Variants in WIPF2 observed in about 807,000 individuals in gnomAD.
WIPF2 encodes the protein WAS/WASL interacting protein family member 2.
In WIPF2, 23 loss-of-function variants were observed where a neutral mutation model predicts 38.8. The ratio of observed to expected loss-of-function variants is 0.59; its 90% CI spans 0.43 to 0.84. The LOEUF (loss-of-function observed/expected upper bound fraction) is 0.84, where lower values mean the gene tolerates loss of function less well. WIPF2 is among the 40% of genes least tolerant of loss of function. WIPF2 has a pLI of 0.00. For synonymous variants in WIPF2, 210 were observed against 223.2 expected (o/e 0.94, Z 0.53); for missense variants, 574 against 580.5 (o/e 0.99, Z 0.11).
chr17:40,238,961 A>G (rs980320309), intron 1 of WIPF2, among the ~76,000 whole-genome samples: 5 of 151,916 alleles, frequency 3.3e-5, no homozygotes, highest in African/African-American at 1.2e-4. Flanking sequence ...GCTGGATTCA[A>G]ACTCCTGGGC....
chr17:40,220,033 A>G (rs1406800873), intron 1 of WIPF2: 1 of 152,272 alleles, frequency 6.6e-6, no homozygotes, highest in African/African-American at 2.4e-5. Context: ...GTTCTTTGAA[A>G]AGGAATCAGA....
intron 1 of WIPF2, among the ~76,000 whole-genome samples, chr17:40,227,102 C>G (rs1221103085): frequency 1.3e-5 from 2 of 151,884 alleles, no homozygotes; most frequent in Non-Finnish European, 2.9e-5. Context: ...AGTGGAGTGG[C>G]AAGATCTGGG....
At chr17:40,231,344 GTTTTCTTTCAGGCC>G in intron 1 of WIPF2, among the ~76,000 whole-genome samples, 1 of 150,890 alleles carries the variant, frequency 6.6e-6, no homozygotes, top group East Asian at 2.0e-4. Context: ...ATCTGTTTAA[GTTTTCTTTCAGGCC>G]TTTTCTTAGT....
rs140301115 is a variant in WIPF2 at position 40,272,355 on chromosome 17, C to T, written c.971-1435C>T. ...ATTTTCATTGGTGATGGTGGTGGGGCGACCTCAGAAATGAAATGTGACCAT... is the reference window on the plus strand; with the variant it reads ...ATTTTCATTGGTGATGGTGGTGGGGTGACCTCAGAAATGAAATGTGACCAT... On this transcript the variant is annotated intron_variant, in intron 5 of 7. Coordinates refer to ENST00000323571, the MANE Select transcript of WIPF2 (RefSeq NM_133264.5). 3.4e-3 allele frequency among the ~76,000 whole-genome samples: 515 copies of T among 152,198 alleles called. 5 individuals carry two copies. The highest frequency in any genetic ancestry group is 0.012 in the African/African-American group (491 of 41,528).
At chr17:40,246,380 C>A (rs534090233) in intron 1 of WIPF2, among the ~76,000 whole-genome samples, 2 of 150,860 alleles carry the variant, frequency 1.3e-5, no homozygotes, top group African/African-American at 4.9e-5. Flanking sequence ...GCCACCGTGC[C>A]CTGCCTGTGC....
chr17:40,260,616 A>G lies in WIPF2; in HGVS notation c.145A>G (p.Lys49Glu). The G allele has an allele frequency of 1.9e-6, 3 of 1,613,948 alleles. No homozygotes were observed. Among genetic ancestry groups the G allele is most frequent in the South Asian group, 2.2e-5 (2 of 91,072 alleles). Residue 49 changes from lysine to glutamate, a missense_variant, in exon 3 of 8, where the codon AAG becomes GAG. Coordinates refer to ENST00000323571, the MANE Select transcript of WIPF2 (RefSeq NM_133264.5). ...CTTACAGGACATTTGCAAAGGGACC[A>G]AGCTGAAGAAGGTGACCAACATTAA... ...ALLQDICKGT[K>E]LKKVTNINDR... is the part of the protein sequence containing the mutation.
At position 40,264,611 on chromosome 17, in the gene WIPF2, C is replaced by A. The variant is rs1311116539; in HGVS notation, c.435C>A (p.Leu145=). Residue 145 remains leucine, a synonymous_variant, in exon 5 of 8, where the codon CTC becomes CTA. Transcript: ENST00000323571. The part of the protein sequence containing the change: ...QDDTDSSRAS[L]PELPRMQRPS... The stretch of plus-strand genomic sequence containing the variant: ...ATACAGACAGCAGCCGGGCCTCACT[C>A]CCAGAACTGCCCCGGATGCAGAGAC... 6.2e-7 allele frequency: 1 copy of A among 1,614,038 alleles called. No homozygotes were observed. The highest frequency in any genetic ancestry group is 1.3e-5 in the African/African-American group (1 of 74,920).
Position 40,254,763 on chromosome 17 carries a change from G to A in WIPF2, c.-69-1628G>A, listed in dbSNP as rs569203144. On this transcript the variant is annotated intron_variant, in intron 1 of 7. Coordinates refer to ENST00000323571, the MANE Select transcript of WIPF2 (RefSeq NM_133264.5). ...CTTTTTTTTTTTGAGACAGAGTTTC[G>A]CTCTGTTGCCCAGGCTAGAGGGCAG... Among the ~76,000 whole-genome samples, 10 of 150,538 alleles carry A rather than the reference G, an allele frequency of 6.6e-5. No homozygotes were observed. In the East Asian group the frequency reaches 1.6e-3, roughly 24 times the overall value.
In WIPF2 at chr17:40,256,118, A is replaced by AG. The variant is rs1358124759; in HGVS notation, c.-69-273_-69-272insG. Among the ~76,000 whole-genome samples the AG allele has an allele frequency of 4.6e-3, 690 of 150,618 alleles. 7 individuals are homozygous for AG. Among genetic ancestry groups the AG allele is most frequent in the African/African-American group, 0.016 (664 of 41,164 alleles). On this transcript the variant is annotated intron_variant, in intron 1 of 7. Transcript: ENST00000323571. ...CTTTAAAAAAAAAAAAAAAAAAAAA[A>AG]AGGACACAAGGCCTAAATAGACACC...
intron 2 of WIPF2, among the ~76,000 whole-genome samples, chr17:40,259,018 CA>C (rs903377557): frequency 0.047 from 1,652 of 34,918 alleles, 11 homozygotes; most frequent in African/African-American, 0.1. Context: ...AACTCTGTCT[CA>C]AAAAAAAAAA....
chr17:40,231,929 TTC>T (rs1190625582), intron 1 of WIPF2, among the ~76,000 whole-genome samples: 2 of 145,696 alleles, frequency 1.4e-5, no homozygotes, highest in South Asian at 2.1e-4. Context: ...CTTTGATTTT[TTC>T]TTTCTTTTTT....
chr17:40,236,518 C>T (rs529847168), intron 1 of WIPF2, among the ~76,000 whole-genome samples: 2 of 150,274 alleles, frequency 1.3e-5, no homozygotes, highest in Non-Finnish European at 3.0e-5. Flanking sequence ...ATCAGCCAGG[C>T]TGGTCTCGAA....
chr17:40,228,229 A>T (rs2030583095), intron 1 of WIPF2, among the ~76,000 whole-genome samples: 1 of 150,524 alleles, frequency 6.6e-6, no homozygotes, highest in African/African-American at 2.4e-5. Context: ...TTTAGCCGGG[A>T]TGGTCTCGAT....
At chr17:40,246,556 G>A (rs555671578) in intron 1 of WIPF2, among the ~76,000 whole-genome samples, 48 of 151,472 alleles carry the variant, frequency 3.2e-4, no homozygotes, top group African/African-American at 1.0e-3. Flanking sequence ...CTGACACCAC[G>A]CCCAACCAAT....
chr17:40,235,748 T>G (rs902196883), intron 1 of WIPF2, among the ~76,000 whole-genome samples: 1 of 151,508 alleles, frequency 6.6e-6, no homozygotes, highest in African/African-American at 2.4e-5. Context: ...TAATTTTGTA[T>G]TTTTAGTAGA....
At position 40,278,374 on chromosome 17, in the gene WIPF2, A is replaced by G; in HGVS notation, c.*149A>G. On this transcript the variant is annotated 3_prime_UTR_variant, in exon 8 of 8. Transcript: ENST00000323571. ...TAGACTCCAAATGTCCTCCCAGCTC[A>G]CCTCCATCTATGCATCTCATCTCTG... 1 of 851,148 alleles carries G rather than the reference A, an allele frequency of 1.2e-6. No homozygotes were observed. Among genetic ancestry groups the G allele is most frequent in the Admixed American group, 2.5e-5 (1 of 39,586 alleles). The allele number at this position is 851,148 out of a possible 1,614,324, so 52.7% of individuals were successfully genotyped here.
rs774576183 is a variant in WIPF2 at position 40,262,569 on chromosome 17, C to G, written c.241C>G (p.Leu81Val). The G allele has an allele frequency of 1.2e-6, 2 of 1,614,036 alleles. No homozygotes were observed. The highest frequency in any genetic ancestry group is 1.7e-6 in the Non-Finnish European group (2 of 1,179,920). ...SGGYGSGGAA[L>V]QPKGGLFQGG... The stretch of plus-strand genomic sequence containing the variant: ...TGGCTATGGCTCTGGAGGAGCTGCC[C>G]TGCAGCCCAAGGGAGGTCTCTTCCA... Residue 81 changes from leucine to valine, a missense_variant, in exon 4 of 8, where the codon CTG becomes GTG. Coordinates refer to ENST00000323571, the MANE Select transcript of WIPF2 (RefSeq NM_133264.5).
At chr17:40,222,765 G>A (rs563351525) in intron 1 of WIPF2, among the ~76,000 whole-genome samples, 4 of 136,376 alleles carry the variant, frequency 2.9e-5, no homozygotes, top group Admixed American at 8.0e-5. Flanking sequence ...CCGCCTGCCG[G>A]ATTCAAGCGC....
In WIPF2 at chr17:40,219,347, C is replaced by G; in HGVS notation, c.-215C>G. ...GGGGACGGTGGGAGCAGATCCATTTCCGGGTTGGCAAAAGGGGCGGTGGCG... is the reference window on the plus strand; with the variant it reads ...GGGGACGGTGGGAGCAGATCCATTTGCGGGTTGGCAAAAGGGGCGGTGGCG... On this transcript the variant is annotated 5_prime_UTR_variant, in exon 1 of 8. Coordinates refer to ENST00000323571, the MANE Select transcript of WIPF2 (RefSeq NM_133264.5). The G allele has an allele frequency of 2.7e-6, 1 of 376,992 alleles. No homozygotes were observed. Among genetic ancestry groups the G allele is most frequent in the Admixed American group, 4.6e-5 (1 of 21,658 alleles). The allele number at this position is 376,992 out of a possible 1,614,324, so 23.4% of individuals were successfully genotyped here. A position where few individuals can be genotyped will look rare whatever the true frequency, so the allele number is the denominator to read the frequency against.
Sources: gnomAD v4.1 joint callset for allele counts (sites outside exome capture counted in the v4.1 genomes callset) on GRCh38, gnomAD v4.1.1 for gene constraint, MANE v1.5 for transcripts, NCBI Gene and HGNC (gene_info 2026-07-23, HGNC 2026-07-21) for gene names.